Variants in PTPRM observed in about 807,000 individuals in gnomAD.
PTPRM encodes protein tyrosine phosphatase receptor type M.
A neutral mutation model predicts 186.7 loss-of-function variants in PTPRM; 47 were observed. The observed-to-expected ratio is 0.25, with a 90% CI of 0.20 to 0.32. The LOEUF (loss-of-function observed/expected upper bound fraction) is 0.32. Ranked by LOEUF, PTPRM falls within the 10% of genes least tolerant of loss-of-function variation. The probability of loss-of-function intolerance (pLI) is 1.00; values close to 1 mark genes in which losing one functional copy is unlikely to be tolerated. For missense variants in PTPRM, 1,494 were observed against 1,865.0 expected (o/e 0.80, Z 3.66); for synonymous variants, 668 against 674.9 (o/e 0.99, Z 0.16).
intron 14 of PTPRM, among the ~76,000 whole-genome samples, chr18:8,216,668 C>T (rs1240087804): frequency 6.6e-6 from 1 of 152,142 alleles, no homozygotes; most frequent in African/African-American, 2.4e-5. Context: ...GTTTTTCTTT[C>T]AACTGTTGAC....
At chr18:7,720,470 A>G (rs2040425699) in intron 1 of PTPRM, among the ~76,000 whole-genome samples, 1 of 152,104 alleles carries the variant, frequency 6.6e-6, no homozygotes, top group African/African-American at 2.4e-5. Context: ...AAATTAATAG[A>G]CTATGTTTGA....
chr18:7,595,001 G>A (rs1263668381), intron 1 of PTPRM, among the ~76,000 whole-genome samples: 3 of 152,092 alleles, frequency 2.0e-5, no homozygotes, highest in African/African-American at 7.2e-5. Context: ...GGAGTTCTGG[G>A]GTCTTTCTGG....
chr18:8,191,084 A>C (rs935105775), intron 14 of PTPRM, among the ~76,000 whole-genome samples: 9 of 152,162 alleles, frequency 5.9e-5, no homozygotes, highest in African/African-American at 2.2e-4. Flanking sequence ...GGTTGGAGGA[A>C]TGGGGATGGG....
chr18:8,327,938 C>T (rs1403255055), intron 22 of PTPRM, among the ~76,000 whole-genome samples: 1 of 152,126 alleles, frequency 6.6e-6, no homozygotes, highest in African/African-American at 2.4e-5. Flanking sequence ...TCCCTCCAGA[C>T]ACTTTCAGCT....
At chr18:7,979,072 T>G (rs1315997514) in intron 7 of PTPRM, among the ~76,000 whole-genome samples, 1 of 152,126 alleles carries the variant, frequency 6.6e-6, no homozygotes, top group Admixed American at 6.5e-5. Flanking sequence ...CCTGGCTATA[T>G]TGAAGCTATA....
intron 23 of PTPRM, among the ~76,000 whole-genome samples, chr18:8,349,790 T>A (rs997992165): frequency 2.6e-5 from 4 of 152,222 alleles, no homozygotes; most frequent in African/African-American, 9.6e-5. Context: ...AAACACCATG[T>A]GAACAGCACA....
At chr18:8,273,661 G>A (rs569940308) in intron 19 of PTPRM, among the ~76,000 whole-genome samples, 5 of 152,132 alleles carry the variant, frequency 3.3e-5, no homozygotes, top group Non-Finnish European at 7.4e-5. Context: ...CATATTCTCA[G>A]GCATCAGAGG....
intron 20 of PTPRM, among the ~76,000 whole-genome samples, chr18:8,313,483 A>G (rs1443646119): frequency 1.3e-5 from 2 of 152,098 alleles, no homozygotes; most frequent in Non-Finnish European, 2.9e-5. Context: ...TAAATCTGCT[A>G]TGTTCCAGGC....
intron 1 of PTPRM, among the ~76,000 whole-genome samples, chr18:7,772,244 TTTTTCTTTTCTTTTC>T (rs71165751): frequency 3.9e-4 from 55 of 140,160 alleles, no homozygotes; most frequent in African/African-American, 3.8e-4. Flanking sequence ...GCTAAGATCT[TTTTTCTTTTCTTTTC>T]TTTTCTTTTC....
intron 14 of PTPRM, among the ~76,000 whole-genome samples, chr18:8,197,660 C>T (rs1267730451): frequency 6.6e-6 from 1 of 152,172 alleles, no homozygotes; most frequent in Non-Finnish European, 1.5e-5. Context: ...CACATGCTGT[C>T]CTGTGGCTTC....
chr18:7,989,596 C>T (rs1209967611), intron 7 of PTPRM, among the ~76,000 whole-genome samples: 1 of 152,188 alleles, frequency 6.6e-6, no homozygotes, highest in African/African-American at 2.4e-5. Context: ...TTATTCACTT[C>T]ATCCTGCTAG....
chr18:8,304,639 T>G (rs1307280825), intron 20 of PTPRM, among the ~76,000 whole-genome samples: 1 of 152,208 alleles, frequency 6.6e-6, no homozygotes, highest in Admixed American at 6.5e-5. Context: ...CATATTCAAG[T>G]CATGCATGGC....
intron 1 of PTPRM, among the ~76,000 whole-genome samples, chr18:7,580,917 A>G (rs1203549703): frequency 1.3e-5 from 2 of 152,170 alleles, no homozygotes; most frequent in East Asian, 1.9e-4. Context: ...ATATTAAGTG[A>G]TGTTGTATTA....
intron 2 of PTPRM, among the ~76,000 whole-genome samples, chr18:7,776,605 G>T (rs567965612): frequency 4.6e-5 from 7 of 151,966 alleles, no homozygotes; most frequent in Non-Finnish European, 5.9e-5. Context: ...ATTATTGTAG[G>T]AGAGGAAGGA....
intron 19 of PTPRM, among the ~76,000 whole-genome samples, chr18:8,281,585 C>T (rs2094904654): frequency 6.6e-6 from 1 of 152,116 alleles, no homozygotes; most frequent in Admixed American, 6.6e-5. Flanking sequence ...CTTCTTTTGC[C>T]TCAACTCTTT....
At chr18:8,142,754 C>T (rs2092794301) in intron 13 of PTPRM, among the ~76,000 whole-genome samples, 1 of 152,216 alleles carries the variant, frequency 6.6e-6, no homozygotes, top group African/African-American at 2.4e-5. Context: ...CTCAGAGCAT[C>T]ATCACATTCT....
At chr18:7,650,819 A>C (rs755319260) in intron 1 of PTPRM, among the ~76,000 whole-genome samples, 1 of 152,212 alleles carries the variant, frequency 6.6e-6, no homozygotes, top group Non-Finnish European at 1.5e-5. Flanking sequence ...ATGAAAAAAA[A>C]AATGAATCTA....
intron 1 of PTPRM, among the ~76,000 whole-genome samples, chr18:7,688,965 G>A (rs2039672203): frequency 1.3e-5 from 2 of 152,094 alleles, no homozygotes; most frequent in South Asian, 4.1e-4. Flanking sequence ...ATGCAAAATA[G>A]CATACTGATC....
intron 1 of PTPRM, among the ~76,000 whole-genome samples, chr18:7,601,003 A>G (rs989954834): frequency 6.6e-6 from 1 of 151,210 alleles, no homozygotes; most frequent in Non-Finnish European, 1.5e-5. Context: ...CCAAAGGCTG[A>G]CCTCCCCTGT....
Sources: gnomAD v4.1 joint callset for allele counts (sites outside exome capture counted in the v4.1 genomes callset) on GRCh38, gnomAD v4.1.1 for gene constraint, MANE v1.5 for transcripts, NCBI Gene and HGNC (gene_info 2026-07-23, HGNC 2026-07-21) for gene names.